The following BMP7 variants were observed in gnomAD, a reference collection of about 807,000 sequenced individuals.
The protein encoded by BMP7 is bone morphogenetic protein 7, also known as osteogenic protein 1.
In BMP7, 12 loss-of-function variants were observed where a neutral mutation model predicts 41.2. That is an observed-to-expected ratio of 0.29 (90% CI 0.19 to 0.47). The LOEUF (loss-of-function observed/expected upper bound fraction) is 0.47. Among genes scored for constraint, BMP7 ranks in the 20% least tolerant of loss-of-function variants. The pLI is 0.99. For missense variants in BMP7, 467 were observed against 606.0 expected (o/e 0.77, Z 2.41); for synonymous variants, 248 against 250.0 (o/e 0.99, Z 0.07).
rs1256282025 is a variant in BMP7, at chr20:57,179,315, G to GCCAGCA, written c.959-4314_959-4309dup. ...AAAGTGAGCAGGAGACAGCCCTGACGCCAGCACCGGGATTCATCCACCTCC... is the reference window on the plus strand; with the variant it reads ...AAAGTGAGCAGGAGACAGCCCTGACGCCAGCACCAGCACCGGGATTCATCCACCTCC... On this transcript the variant is annotated intron_variant, in intron 4 of 6. Transcript: ENST00000395863. Among the ~76,000 whole-genome samples, 6 of 151,776 alleles carry GCCAGCA rather than the reference G, an allele frequency of 4.0e-5. 1 individual carries two copies. The highest frequency in any genetic ancestry group is 3.9e-4 in the Admixed American group (6 of 15,294).
chr20:57,186,788 G>T (rs1330598826), intron 3 of BMP7, among the ~76,000 whole-genome samples: 1 of 151,982 alleles, frequency 6.6e-6, no homozygotes, highest in Non-Finnish European at 1.5e-5. Context: ...GCACCAGGGG[G>T]TTCACTTTGG....
At chr20:57,186,663 G>A (rs773170625) in intron 3 of BMP7, among the ~76,000 whole-genome samples, 1 of 152,144 alleles carries the variant, frequency 6.6e-6, no homozygotes, top group Non-Finnish European at 1.5e-5. Flanking sequence ...AAGTTAGATG[G>A]GAGGGGTCAG....
chr20:57,192,807 C>T (rs1247684196), intron 3 of BMP7, among the ~76,000 whole-genome samples: 3 of 150,464 alleles, frequency 2.0e-5, no homozygotes, highest in Non-Finnish European at 4.4e-5. Flanking sequence ...TTCAGATAAA[C>T]ATATAATGTT....
chr20:57,232,094 C>T (rs1419294886), intron 1 of BMP7, among the ~76,000 whole-genome samples: 1 of 152,330 alleles, frequency 6.6e-6, no homozygotes, highest in East Asian at 1.9e-4. Context: ...CCAAAGCTCA[C>T]CCTCTTGACC....
chr20:57,244,371 C>G (rs182393663), intron 1 of BMP7, among the ~76,000 whole-genome samples: 123 of 152,354 alleles, frequency 8.1e-4, no homozygotes, highest in African/African-American at 2.9e-3. Flanking sequence ...CCACCTCCCA[C>G]GCTCACTTGC....
intron 4 of BMP7, among the ~76,000 whole-genome samples, chr20:57,179,729 G>A (rs1984031361): frequency 6.6e-6 from 1 of 152,240 alleles, no homozygotes; most frequent in Non-Finnish European, 1.5e-5. Context: ...CAAGGACTCT[G>A]GCCTAAGCCT....
At chr20:57,195,646 C>T (rs979634378) in intron 3 of BMP7, among the ~76,000 whole-genome samples, 1 of 152,282 alleles carries the variant, frequency 6.6e-6, no homozygotes, top group Admixed American at 6.5e-5. Context: ...TTAGTTTCCA[C>T]AGCCGCCGCA....
intron 3 of BMP7, among the ~76,000 whole-genome samples, chr20:57,189,870 T>A (rs1568708541): frequency 6.6e-6 from 1 of 152,110 alleles, no homozygotes; most frequent in Non-Finnish European, 1.5e-5. Flanking sequence ...GCGAGGGAGA[T>A]CAGCTCAGGG....
At chr20:57,205,029 C>A (rs1984699826) in intron 2 of BMP7, among the ~76,000 whole-genome samples, 1 of 152,170 alleles carries the variant, frequency 6.6e-6, no homozygotes, top group African/African-American at 2.4e-5. Flanking sequence ...GAGGACACGG[C>A]AACGAGGTGT....
chr20:57,202,700 A>C, intron 2 of BMP7, 77 bp from the exon 3 acceptor site: 5 of 654,454 alleles, frequency 7.6e-6, no homozygotes, highest in South Asian at 1.4e-5. Flanking sequence ...TGGGAAGCAG[A>C]GCCTCATGGG....
chr20:57,207,302 G>A (rs1326505960), intron 2 of BMP7, among the ~76,000 whole-genome samples: 1 of 152,138 alleles, frequency 6.6e-6, no homozygotes, highest in Non-Finnish European at 1.5e-5. Context: ...GAGAGAGAGA[G>A]AAAAACCAAG....
intron 1 of BMP7, among the ~76,000 whole-genome samples, chr20:57,252,278 C>T (rs991541637): frequency 2.6e-5 from 4 of 152,238 alleles, no homozygotes; most frequent in African/African-American, 9.6e-5. Flanking sequence ...TCTTAGCCTG[C>T]AGGCTGTACT....
At chr20:57,230,673 T>C (rs1318671604) in intron 1 of BMP7, among the ~76,000 whole-genome samples, 1 of 134,634 alleles carries the variant, frequency 7.4e-6, no homozygotes, top group African/African-American at 2.6e-5. Flanking sequence ...TCTGCTTGTT[T>C]GTAGAACTTT....
At chr20:57,226,596 G>T (rs4810061) in intron 2 of BMP7, among the ~76,000 whole-genome samples, 6 of 152,118 alleles carry the variant, frequency 3.9e-5, no homozygotes, top group African/African-American at 4.8e-5. Context: ...CCCCTGGAAA[G>T]GGCTGCCAAG....
At chr20:57,232,396 G>A (rs927328982) in intron 1 of BMP7, among the ~76,000 whole-genome samples, 9 of 152,054 alleles carry the variant, frequency 5.9e-5, no homozygotes, top group African/African-American at 2.2e-4. Flanking sequence ...CATTTACACA[G>A]TGCACTTATG....
intron 2 of BMP7, among the ~76,000 whole-genome samples, chr20:57,202,946 T>C (rs1984657911): frequency 6.6e-6 from 1 of 152,180 alleles, no homozygotes; most frequent in South Asian, 2.1e-4. Context: ...TCCGTGTTGC[T>C]GGAAGAGTCT....
At chr20:57,260,437 T>C (rs902786267) in intron 1 of BMP7, among the ~76,000 whole-genome samples, 4 of 152,164 alleles carry the variant, frequency 2.6e-5, no homozygotes, top group Non-Finnish European at 4.4e-5. Context: ...AACTCCACGT[T>C]GATCTGGGAT....
intron 2 of BMP7, among the ~76,000 whole-genome samples, chr20:57,225,085 C>T (rs1453896518): frequency 6.6e-6 from 1 of 152,174 alleles, no homozygotes; most frequent in Non-Finnish European, 1.5e-5. Flanking sequence ...AGCCACATGG[C>T]GGGGACAGCA....
chr20:57,252,007 G>A (rs1388905590), intron 1 of BMP7, among the ~76,000 whole-genome samples: 2 of 152,174 alleles, frequency 1.3e-5, no homozygotes, highest in Non-Finnish European at 2.9e-5. Context: ...GGGACATAGC[G>A]TGTGGAAAGC....
Sources: gnomAD v4.1 joint callset for allele counts (sites outside exome capture counted in the v4.1 genomes callset) on GRCh38, gnomAD v4.1.1 for gene constraint, MANE v1.5 for transcripts, NCBI Gene and HGNC (gene_info 2026-07-23, HGNC 2026-07-21) for gene names.